FARS2: variants seen among roughly 807,000 people sequenced by gnomAD.
FARS2 encodes the protein phenylalanyl-tRNA synthetase 2, mitochondrial.
Under a neutral mutation model 46.4 loss-of-function variants are expected in FARS2, and 40 were observed. That is an observed-to-expected ratio of 0.86 (90% CI 0.67 to 1.12). The LOEUF (loss-of-function observed/expected upper bound fraction) is 1.12, where lower values mean the gene tolerates loss of function less well. Among genes scored for constraint, FARS2 ranks in the 50% most tolerant of loss-of-function variants. The pLI, the probability that FARS2 is intolerant of heterozygous loss-of-function variation, is 0.00. For synonymous variants in FARS2, 234 were observed against 214.9 expected (o/e 1.09, Z -0.78); for missense variants, 513 against 567.9 (o/e 0.90, Z 0.98).
At chr6:5,763,598 C>T (rs1456061297) in intron 6 of FARS2, among the ~76,000 whole-genome samples, 1 of 152,150 alleles carries the variant, frequency 6.6e-6, no homozygotes, top group Non-Finnish European at 1.5e-5. Context: ...TTAAATGACT[C>T]GCCCAGATTC....
intron 4 of FARS2, among the ~76,000 whole-genome samples, chr6:5,490,539 G>A (rs777529751): frequency 6.6e-6 from 1 of 152,288 alleles, no homozygotes; most frequent in Non-Finnish European, 1.5e-5. Context: ...CCCAGTGATC[G>A]CTGCTTCCTT....
chr6:5,699,826 A>G (rs1286540805), intron 6 of FARS2, among the ~76,000 whole-genome samples: 1 of 152,182 alleles, frequency 6.6e-6, no homozygotes, highest in Non-Finnish European at 1.5e-5. Context: ...AAAAACTGCC[A>G]ATTCCCAGTT....
At chr6:5,375,460 CAA>C (rs1256340784) in intron 2 of FARS2, among the ~76,000 whole-genome samples, 1 of 151,884 alleles carries the variant, frequency 6.6e-6, no homozygotes, top group Non-Finnish European at 1.5e-5. Context: ...GATAGGAAAA[CAA>C]TATCATGAAG....
chr6:5,415,610 C>T (rs969896687), intron 3 of FARS2, among the ~76,000 whole-genome samples: 1 of 152,128 alleles, frequency 6.6e-6, no homozygotes, highest in African/African-American at 2.4e-5. Flanking sequence ...AGCCACCGCT[C>T]CCTGCCTAAT....
intron 4 of FARS2, among the ~76,000 whole-genome samples, chr6:5,477,489 T>G (rs1766192054): frequency 6.6e-6 from 1 of 152,172 alleles, no homozygotes; most frequent in South Asian, 2.1e-4. Context: ...AATGCTACAA[T>G]GTTTTCACTT....
chr6:5,315,448 A>G (rs80228560), intron 1 of FARS2, among the ~76,000 whole-genome samples: 1,892 of 152,326 alleles, frequency 0.012, 46 homozygotes, highest in African/African-American at 0.043. Context: ...GTAATTCTAA[A>G]GTCATAAACT....
chr6:5,528,479 A>G (rs574408182), intron 4 of FARS2, among the ~76,000 whole-genome samples: 2 of 152,280 alleles, frequency 1.3e-5, no homozygotes, highest in East Asian at 1.9e-4. Context: ...TGATTTGCAT[A>G]TGTATTTATA....
chr6:5,320,310 C>G (rs2127562941), intron 1 of FARS2, among the ~76,000 whole-genome samples: 1 of 152,316 alleles, frequency 6.6e-6, no homozygotes, highest in South Asian at 2.1e-4. Context: ...AAGCTAGAAG[C>G]AGCTGGAGGG....
chr6:5,727,286 G>A lies in FARS2; in HGVS notation c.1218-44005G>A, dbSNP rs532349881. 3.3e-5 allele frequency among the ~76,000 whole-genome samples: 5 copies of A among 152,272 alleles called. No homozygotes were observed. In the South Asian group the frequency reaches 6.2e-4, roughly 19 times the overall value. On this transcript the variant is annotated intron_variant, in intron 6 of 6. Transcript: ENST00000274680. This position sits in a 1 kb window ranked among gnomAD's most constrained non-coding sequence, Gnocchi z 4.1. ...AGCCTCCTCTATGAGGTTGGACCCC[G>A]TTCCTCTGCACAGAACTTTCCCTCC...
At chr6:5,451,557 A>G (rs1764493040) in intron 4 of FARS2, 1 of 152,170 alleles carries the variant, frequency 6.6e-6, no homozygotes, top group Non-Finnish European at 1.5e-5. Context: ...CATGTAACCC[A>G]TGTCTGAGGT....
At chr6:5,760,139 G>A (rs563347050) in intron 6 of FARS2, among the ~76,000 whole-genome samples, 7 of 152,258 alleles carry the variant, frequency 4.6e-5, no homozygotes, top group African/African-American at 7.2e-5. Context: ...TCTCTTTACC[G>A]ATGTGTAATT....
chr6:5,374,350 G>C (rs1759245728), intron 2 of FARS2, among the ~76,000 whole-genome samples: 1 of 152,208 alleles, frequency 6.6e-6, no homozygotes, highest in South Asian at 2.1e-4. Flanking sequence ...GAAGATATCA[G>C]ACAGTCATGA....
At chr6:5,451,261 C>T (rs903303677) in intron 4 of FARS2, among the ~76,000 whole-genome samples, 1 of 151,988 alleles carries the variant, frequency 6.6e-6, no homozygotes, top group Non-Finnish European at 1.5e-5. Flanking sequence ...TTACCTCAGA[C>T]AGCTTCATTA....
At chr6:5,760,678 G>A (rs377053499) in intron 6 of FARS2, among the ~76,000 whole-genome samples, 5 of 152,136 alleles carry the variant, frequency 3.3e-5, no homozygotes, top group African/African-American at 1.2e-4. Context: ...GTCTGTACAC[G>A]CAGACCAGCT....
chr6:5,318,995 A>G (rs1007019191), intron 1 of FARS2, among the ~76,000 whole-genome samples: 2 of 152,226 alleles, frequency 1.3e-5, no homozygotes, highest in Middle Eastern at 6.8e-3. Flanking sequence ...GAAGTAACTC[A>G]AGGAGATGAA....
chr6:5,519,086 T>C (rs971988845), intron 4 of FARS2, among the ~76,000 whole-genome samples: 1 of 152,178 alleles, frequency 6.6e-6, no homozygotes, highest in Non-Finnish European at 1.5e-5. Flanking sequence ...GAATTCTAGA[T>C]AGAATGCAAA....
Position 5,303,911 on chromosome 6 carries a change from G to C in FARS2, c.-22+42251G>C, listed in dbSNP as rs185092837. The stretch of plus-strand genomic sequence containing the variant: ...TCATTTTTTGGCAATCATTGACCAA[G>C]TACGCAACACCTCCAGGTGGCTCTC... On this transcript the variant is annotated intron_variant, in intron 1 of 6. Transcript: ENST00000274680. Among the ~76,000 whole-genome samples the C allele has an allele frequency of 5.3e-5, 8 of 151,742 alleles. No homozygotes were observed. In the East Asian group the frequency reaches 1.6e-3, roughly 29 times the overall value.
At chr6:5,456,747 A>G (rs888807925) in intron 4 of FARS2, among the ~76,000 whole-genome samples, 4 of 151,140 alleles carry the variant, frequency 2.6e-5, no homozygotes, top group African/African-American at 4.9e-5. Context: ...AAAAAAAAAA[A>G]AGAGATGGGC....
chr6:5,597,636 G>C (rs1400140987), intron 5 of FARS2, among the ~76,000 whole-genome samples: 2 of 152,196 alleles, frequency 1.3e-5, no homozygotes, highest in African/African-American at 4.8e-5. Flanking sequence ...TTTGGCGTAG[G>C]CTTTGTTGGA....
Sources: gnomAD v4.1 joint callset for allele counts (sites outside exome capture counted in the v4.1 genomes callset) on GRCh38, gnomAD v4.1.1 for gene constraint, Gnocchi (gnomAD v3.1) non-coding constraint, MANE v1.5 for transcripts, NCBI Gene and HGNC (gene_info 2026-07-23, HGNC 2026-07-21) for gene names.